Variants in BMPER observed in about 807,000 individuals in gnomAD.
BMPER encodes the protein BMP binding endothelial regulator.
A neutral mutation model predicts 87.3 loss-of-function variants in BMPER; 45 were observed. The observed-to-expected ratio is 0.52, with a 90% CI of 0.41 to 0.66. The LOEUF (loss-of-function observed/expected upper bound fraction) is 0.66, where lower values mean the gene tolerates loss of function less well. Among genes scored for constraint, BMPER ranks in the 30% least tolerant of loss-of-function variants. The pLI is 0.00. For synonymous variants in BMPER, 326 were observed against 316.2 expected, an observed-to-expected ratio of 1.03 and a Z score of -0.33; for missense variants, 784 against 867.5, an observed-to-expected ratio of 0.90 and a Z score of 1.21.
At position 34,046,296 on chromosome 7, in the gene BMPER, CTT is replaced by C. The variant is rs1787963738; in HGVS notation, c.577-7_577-6del. ...TTCTAAATATGCTTTTTTTTTCTCT[CTT>C]TTCTTAGGGAGGCAGGACACAATGT... On this transcript the variant is annotated splice_region_variant and splice_polypyrimidine_tract_variant and intron_variant, in intron 6 of 14. Coordinates refer to ENST00000649409, the MANE Select transcript of BMPER (RefSeq NM_001365308.1). 3 of 1,610,284 alleles carry C rather than the reference CTT, an allele frequency of 1.9e-6. No homozygotes were observed.
rs1789262356 is a variant in BMPER at position 34,087,924 on chromosome 7, T to C, written c.1745+1832T>C. 3.9e-5 allele frequency among the ~76,000 whole-genome samples: 6 copies of C among 152,346 alleles called. No individual in the cohort carries two copies. The South Asian group carries it at 1.2e-3, about 32-fold the overall frequency. ...CGGTGATTTATTTAGTGTTATGATTTCTGGACTGCAACAGAAATATGATGA... is the reference window on the plus strand; with the variant it reads ...CGGTGATTTATTTAGTGTTATGATTCCTGGACTGCAACAGAAATATGATGA... On this transcript the variant is annotated intron_variant, in intron 13 of 14. Coordinates refer to ENST00000649409, the MANE Select transcript of BMPER (RefSeq NM_001365308.1).
chr7:33,943,895 G>A (rs74797448), intron 3 of BMPER, among the ~76,000 whole-genome samples: 7 of 152,192 alleles, frequency 4.6e-5, no homozygotes, highest in African/African-American at 1.7e-4. Flanking sequence ...GGTTTGGTGA[G>A]AAGTGGTATC....
intron 6 of BMPER, among the ~76,000 whole-genome samples, chr7:34,013,119 G>A (rs1465217457): frequency 1.3e-5 from 2 of 151,568 alleles, no homozygotes; most frequent in African/African-American, 4.8e-5. Flanking sequence ...CTGGGCTCCA[G>A]CAGCCCCAGC....
chr7:33,971,701 T>G (rs568229165), intron 5 of BMPER, among the ~76,000 whole-genome samples: 13 of 152,212 alleles, frequency 8.5e-5, no homozygotes, highest in African/African-American at 3.1e-4. Flanking sequence ...AAAATCAATC[T>G]TGATGATCAA....
intron 13 of BMPER, among the ~76,000 whole-genome samples, chr7:34,134,532 T>G (rs973840431): frequency 6.6e-6 from 1 of 152,216 alleles, no homozygotes; most frequent in Non-Finnish European, 1.5e-5. Flanking sequence ...TCATGGTCAG[T>G]TTTTCCCTCC....
Position 34,036,580 on chromosome 7 carries a change from C to T in BMPER, c.577-9726C>T, listed in dbSNP as rs373039842. Among the ~76,000 whole-genome samples the T allele has an allele frequency of 7.2e-5, 11 of 152,212 alleles. No homozygotes were observed. In the East Asian group the frequency reaches 7.8e-4, roughly 11 times the overall value. ...ACTGAGTCCAGCTATCATTCAGCAC[C>T]TGCTTCCACACACCACACAATCTAG... On this transcript the variant is annotated intron_variant, in intron 6 of 14. Transcript: ENST00000649409.
intron 5 of BMPER, 149 bp downstream of exon 5, chr7:33,970,568 T>A: frequency 1.2e-6 from 1 of 837,578 alleles, no homozygotes; most frequent in Non-Finnish European, 2.0e-6. Context: ...CATAGAAATA[T>A]CCGCTTGGCT....
chr7:33,936,786 G>A (rs369008380), intron 2 of BMPER, among the ~76,000 whole-genome samples: 9 of 152,250 alleles, frequency 5.9e-5, no homozygotes, highest in African/African-American at 2.2e-4. Context: ...CTTTTACCAA[G>A]CCGATCCAAT....
At chr7:34,104,427 T>C (rs1789766214) in intron 13 of BMPER, among the ~76,000 whole-genome samples, 1 of 152,128 alleles carries the variant, frequency 6.6e-6, no homozygotes, top group Non-Finnish European at 1.5e-5. Context: ...ACACAGCGAG[T>C]TGTGTTGAAC....
At chr7:34,100,273 T>C (rs1789645574) in intron 13 of BMPER, among the ~76,000 whole-genome samples, 1 of 152,196 alleles carries the variant, frequency 6.6e-6, no homozygotes, top group South Asian at 2.1e-4. Context: ...AAACAATTTG[T>C]TGTGTAAGAA....
rs767495783 is a variant in BMPER, at chr7:34,058,171, T to G, written c.1032+8T>G. On this transcript the variant is annotated splice_region_variant and intron_variant, in intron 10 of 14. Coordinates refer to ENST00000649409, the MANE Select transcript of BMPER (RefSeq NM_001365308.1). The stretch of plus-strand genomic sequence containing the variant: ...ATCAGTAGCTGCCCACAGGTATGTT[T>G]GGAACACAGATTGACTTTACCTTAG... 4 of 1,611,100 alleles carry G rather than the reference T, an allele frequency of 2.5e-6. No homozygotes were observed. The South Asian group carries it at 4.4e-5, about 18-fold the overall frequency.
At chr7:33,950,313 C>T (rs1039822489) in intron 3 of BMPER, among the ~76,000 whole-genome samples, 3 of 152,204 alleles carry the variant, frequency 2.0e-5, no homozygotes, top group Non-Finnish European at 4.4e-5. Context: ...CAGAGGCTCC[C>T]AGCCTCACAG....
chr7:34,152,982 C>A, intron 14 of BMPER, 110 bp from the exon 15 acceptor site: 3 of 1,238,466 alleles, frequency 2.4e-6, no homozygotes, highest in Non-Finnish European at 3.6e-6. Flanking sequence ...TGATCCTGAG[C>A]TATGGAAACG....
chr7:34,100,724 C>A (rs1480448700), intron 13 of BMPER, among the ~76,000 whole-genome samples: 1 of 152,186 alleles, frequency 6.6e-6, no homozygotes, highest in Non-Finnish European at 1.5e-5. Flanking sequence ...ATATCTGGTG[C>A]AGTGGCCTTA....
intron 13 of BMPER, among the ~76,000 whole-genome samples, chr7:34,103,975 G>A (rs1213233769): frequency 6.6e-6 from 1 of 152,160 alleles, no homozygotes; most frequent in Admixed American, 6.5e-5. Context: ...AATGCCCCAT[G>A]TCATCTGACA....
At chr7:33,995,018 A>G (rs1377079362) in intron 6 of BMPER, among the ~76,000 whole-genome samples, 1 of 152,242 alleles carries the variant, frequency 6.6e-6, no homozygotes, top group Non-Finnish European at 1.5e-5. Flanking sequence ...TTTAAAATGT[A>G]CATCTTAAAA....
chr7:33,971,535 G>A (rs1785547703), intron 5 of BMPER, among the ~76,000 whole-genome samples: 1 of 152,168 alleles, frequency 6.6e-6, no homozygotes, highest in African/African-American at 2.4e-5. Context: ...GTTGTTCTGT[G>A]TCTATCAAGC....
intron 6 of BMPER, among the ~76,000 whole-genome samples, chr7:34,007,100 T>C (rs1049679436): frequency 2.6e-5 from 4 of 152,072 alleles, no homozygotes; most frequent in African/African-American, 4.8e-5. Flanking sequence ...ACTAATTCAA[T>C]TGATTCCTTA....
chr7:34,097,730 A>G (rs955439599), intron 13 of BMPER, among the ~76,000 whole-genome samples: 6 of 152,164 alleles, frequency 3.9e-5, no homozygotes, highest in African/African-American at 1.4e-4. Flanking sequence ...GTCCAGGATC[A>G]TGTGGGTGCC....
Sources: gnomAD v4.1 joint callset for allele counts (sites outside exome capture counted in the v4.1 genomes callset) on GRCh38, gnomAD v4.1.1 for gene constraint, MANE v1.5 for transcripts, NCBI Gene and HGNC (gene_info 2026-07-23, HGNC 2026-07-21) for gene names.